The following EFCAB5 variants were observed in gnomAD, a reference collection of about 807,000 sequenced individuals.
EFCAB5 encodes the protein EF-hand calcium-binding domain-containing protein 5.
In EFCAB5, 131 loss-of-function variants were observed where a neutral mutation model predicts 167.9. That is an observed-to-expected ratio of 0.78 (90% CI 0.68 to 0.90). The LOEUF (loss-of-function observed/expected upper bound fraction) is 0.90. Among genes scored for constraint, EFCAB5 ranks in the 40% least tolerant of loss-of-function variants. The probability of loss-of-function intolerance (pLI) is 0.00; values close to 1 mark genes in which losing one functional copy is unlikely to be tolerated. For missense variants in EFCAB5, 1,663 were observed against 1,745.2 expected, an observed-to-expected ratio of 0.95 and a Z score of 0.84; for synonymous variants, 574 against 602.8, an observed-to-expected ratio of 0.95 and a Z score of 0.70.
chr17:29,969,416 A>G (rs2067904988), intron 4 of EFCAB5, 49 bp downstream of exon 4: 1 of 1,412,636 alleles, frequency 7.1e-7, no homozygotes, highest in Non-Finnish European at 9.5e-7. Flanking sequence ...TTACATTGAA[A>G]AACTAGTAGA....
chr17:30,044,483 C>T lies in EFCAB5; in HGVS notation c.1201-6635C>T, dbSNP rs773353725. On this transcript the variant is annotated intron_variant, in intron 8 of 22. Coordinates refer to ENST00000394835, the MANE Select transcript of EFCAB5 (RefSeq NM_198529.4). Reference sequence around the variant, plus strand: ...TCTCAGCTACTGGGTGGCTGAGGCACGAGAATCGCTTGAACCCGGGAGGTG... The same window carrying T: ...TCTCAGCTACTGGGTGGCTGAGGCATGAGAATCGCTTGAACCCGGGAGGTG... Among the ~76,000 whole-genome samples the T allele has an allele frequency of 1.1e-4, 17 of 151,810 alleles. No individual in the cohort carries two copies. In the East Asian group the frequency reaches 1.5e-3, roughly 14 times the overall value.
chr17:30,053,998 A>C lies in EFCAB5; in HGVS notation c.2044A>C (p.Thr682Pro). Residue 682 changes from threonine to proline, a missense_variant, in exon 10 of 23, where the codon ACA becomes CCA. Physicochemically the swap from Thr to Pro is conservative, Grantham distance 38. Coordinates refer to ENST00000394835, the MANE Select transcript of EFCAB5 (RefSeq NM_198529.4). ...AAGAAAAGATAGTATCTTAAAAAGTACAAAATATGGGGAACCTATAACCTC... is the reference window on the plus strand; with the variant it reads ...AAGAAAAGATAGTATCTTAAAAAGTCCAAAATATGGGGAACCTATAACCTC... The part of the protein sequence containing the change: ...QSRKDSILKS[T>P]KYGEPITSEY... 6.2e-7 allele frequency: 1 copy of C among 1,612,504 alleles called. No homozygotes were observed. The highest frequency in any genetic ancestry group is 1.3e-5 in the African/African-American group (1 of 75,046).
chr17:29,999,610 T>A (rs1229599530), intron 6 of EFCAB5, among the ~76,000 whole-genome samples: 1 of 152,144 alleles, frequency 6.6e-6, no homozygotes. Flanking sequence ...CCAACACAGA[T>A]GTTTTTGTAG....
intron 22 of EFCAB5, 33 bp from the exon 23 acceptor site, chr17:30,107,801 C>T (rs757096241): frequency 7.0e-7 from 1 of 1,429,832 alleles, no homozygotes; most frequent in Non-Finnish European, 9.1e-7. Flanking sequence ...CAAAACTCTC[C>T]ACTCTTACTT....
At chr17:30,069,387 G>A in intron 14 of EFCAB5, 8 of 1,554,782 alleles carry the variant, frequency 5.1e-6, no homozygotes, top group Non-Finnish European at 7.1e-6. Context: ...GATGAAGTGA[G>A]GCAGATCAAA....
At chr17:30,073,488 C>T (rs987652940) in intron 14 of EFCAB5, among the ~76,000 whole-genome samples, 1 of 152,132 alleles carries the variant, frequency 6.6e-6, no homozygotes, top group African/African-American at 2.4e-5. Context: ...ATTCATCTCT[C>T]TGTCCCTCTC....
chr17:29,956,159 T>C (rs751509418), intron 3 of EFCAB5, among the ~76,000 whole-genome samples: 10 of 152,242 alleles, frequency 6.6e-5, no homozygotes, highest in Non-Finnish European at 1.0e-4. Context: ...AAATCTGGAA[T>C]CTATTAAATT....
At chr17:29,990,155 A>G (rs1169657228) in intron 4 of EFCAB5, among the ~76,000 whole-genome samples, 1 of 152,166 alleles carries the variant, frequency 6.6e-6, no homozygotes, top group African/African-American at 2.4e-5. Flanking sequence ...CTACTTTGAT[A>G]TACTTCAGGG....
At chr17:29,951,083 G>A (rs1374820468) in intron 3 of EFCAB5, among the ~76,000 whole-genome samples, 2 of 152,194 alleles carry the variant, frequency 1.3e-5, no homozygotes, top group Non-Finnish European at 2.9e-5. Flanking sequence ...ACTTAGAGTT[G>A]AAGGGAAGCA....
chr17:29,948,217 T>A (rs145046412), intron 3 of EFCAB5, among the ~76,000 whole-genome samples: 115 of 152,334 alleles, frequency 7.5e-4, no homozygotes, highest in African/African-American at 2.7e-3. Flanking sequence ...TTAATTAGTT[T>A]GTGGCCATAT....
At chr17:30,011,037 C>T (rs2068885385) in intron 7 of EFCAB5, among the ~76,000 whole-genome samples, 1 of 152,146 alleles carries the variant, frequency 6.6e-6, no homozygotes, top group Non-Finnish European at 1.5e-5. Context: ...TTCCCAGCAC[C>T]ATTTATTAAA....
At chr17:30,073,314 C>T (rs2070791091) in intron 14 of EFCAB5, 1 of 546,664 alleles carries the variant, frequency 1.8e-6, no homozygotes, top group South Asian at 2.5e-5. Flanking sequence ...ACCTCAGTCT[C>T]CCGAAGTGCT....
chr17:29,969,042 GA>G lies in EFCAB5; in HGVS notation c.450del (p.Lys150AsnfsTer17), dbSNP rs760813779. The G allele has an allele frequency of 4.4e-6, 7 of 1,597,130 alleles. No homozygotes were observed. The highest frequency in any genetic ancestry group is 2.3e-5 in the South Asian group (2 of 87,014). ...NLKKELEKKA[E>X]KKLPRDNLAK... ...GAAGAAGGAACTAGAAAAAAAGGCT[GA>G]AAAAAAACTCCCTAGGGATAATTTG... is the stretch of plus-strand genomic sequence containing the variant. On this transcript the variant is annotated frameshift_variant, in exon 4 of 23. Coordinates refer to ENST00000394835, the MANE Select transcript of EFCAB5 (RefSeq NM_198529.4). LOFTEE classifies it high-confidence loss of function.
chr17:30,080,704 T>G (rs1196620577), intron 16 of EFCAB5, 49 bp from the exon 17 acceptor site: 1 of 1,378,888 alleles, frequency 7.3e-7, no homozygotes, highest in Admixed American at 2.0e-5. Context: ...TGGTTTAATC[T>G]AAATCTCTCC....
chr17:29,985,063 C>T (rs904103256), intron 4 of EFCAB5, among the ~76,000 whole-genome samples: 2 of 152,258 alleles, frequency 1.3e-5, no homozygotes, highest in East Asian at 1.9e-4. Context: ...TTGAAACCAG[C>T]GACTATTTTT....
chr17:29,977,233 G>A (rs2068080495), intron 4 of EFCAB5, among the ~76,000 whole-genome samples: 2 of 151,978 alleles, frequency 1.3e-5, no homozygotes, highest in African/African-American at 4.8e-5. Context: ...TCCTAAAATA[G>A]GATTACAAAC....
intron 3 of EFCAB5, among the ~76,000 whole-genome samples, chr17:29,959,861 C>G (rs1214518650): frequency 6.6e-6 from 1 of 152,158 alleles, no homozygotes; most frequent in Non-Finnish European, 1.5e-5. Flanking sequence ...CATGTACACC[C>G]CAAGTCCACT....
intron 14 of EFCAB5, among the ~76,000 whole-genome samples, 195 bp from the exon 15 acceptor site, chr17:30,078,020 C>T (rs548421216): frequency 3.9e-5 from 6 of 152,190 alleles, no homozygotes; most frequent in African/African-American, 7.2e-5. Context: ...GAAGCTGACA[C>T]AGGAGTCATA....
chr17:30,002,553 A>G (rs964104151), intron 7 of EFCAB5, among the ~76,000 whole-genome samples: 3 of 152,222 alleles, frequency 2.0e-5, no homozygotes, highest in Non-Finnish European at 4.4e-5. Flanking sequence ...CCATACATCC[A>G]TCACATCAGG....
Sources: allele counts gnomAD v4.1 joint callset (sites outside exome capture counted in the v4.1 genomes callset), GRCh38; gene constraint gnomAD v4.1.1; transcripts MANE v1.5; gene names NCBI Gene and HGNC (gene_info 2026-07-23, HGNC 2026-07-21).